RAD51C: variants seen among roughly 807,000 people sequenced by gnomAD.
RAD51C encodes DNA repair protein RAD51 homolog 3.
In RAD51C, 42 loss-of-function variants were observed where a neutral mutation model predicts 45.0. That is an observed-to-expected ratio of 0.93 (90% CI 0.73 to 1.21). RAD51C has a LOEUF of 1.21. Among genes scored for constraint, RAD51C ranks in the 50% most tolerant of loss-of-function variants. The pLI is 0.00. For missense variants in RAD51C, 474 were observed against 452.2 expected (o/e 1.05, Z -0.44); for synonymous variants, 172 against 159.8 (o/e 1.08, Z -0.58).
At chr17:58,700,654 A>T (rs1364841931) in intron 3 of RAD51C, among the ~76,000 whole-genome samples, 1 of 151,752 alleles carries the variant, frequency 6.6e-6, no homozygotes, top group Non-Finnish European at 1.5e-5. Flanking sequence ...GTTAGCCAGG[A>T]TGGTCTCGAT....
chr17:58,709,824 C>T (rs752520189), intron 4 of RAD51C, 35 bp from the exon 5 acceptor site: 18 of 1,563,942 alleles, frequency 1.2e-5, no homozygotes, highest in African/African-American at 2.7e-5. Context: ...TTTTATTTTT[C>T]GTAACAAATC....
chr17:58,734,023 A>G, intron 8 of RAD51C, 95 bp from the exon 9 acceptor site: 1 of 1,525,388 alleles, frequency 6.6e-7, no homozygotes, highest in Non-Finnish European at 8.8e-7. Context: ...GCCCTAGAAT[A>G]AAGTAGCTTT....
Position 58,692,634 on chromosome 17 carries a change from T to G in RAD51C, c.-10T>G, listed in dbSNP as rs1598448335. 1 of 1,613,906 alleles carries G rather than the reference T, an allele frequency of 6.2e-7. No individual in the cohort carries two copies. Among genetic ancestry groups the G allele is most frequent in the Non-Finnish European group, 8.5e-7 (1 of 1,180,016 alleles). On this transcript the variant is annotated 5_prime_UTR_variant, in exon 1 of 9. Transcript: ENST00000337432. ...GTTTGGCTGCTCCGGGGTTAGCAGG[T>G]GAGCCTGCGATGCGCGGGAAGACGT...
Position 58,720,448 on chromosome 17 carries a change from A to G in RAD51C, c.838-298A>G, listed in dbSNP as rs74340714. 4.7e-4 allele frequency among the ~76,000 whole-genome samples: 72 copies of G among 151,896 alleles called. No individual in the cohort carries two copies. In the East Asian group the frequency reaches 0.011, roughly 24 times the overall value. ...AAAATAAAATAAAAAATAAAATCAC[A>G]AGACTGTTTACTTGATTATTTATTT... On this transcript the variant is annotated intron_variant, in intron 5 of 8. Transcript: ENST00000337432.
intron 7 of RAD51C, among the ~76,000 whole-genome samples, chr17:58,725,830 T>A (rs1461003833): frequency 6.6e-6 from 1 of 151,856 alleles, no homozygotes; most frequent in East Asian, 1.9e-4. Context: ...CCATCTCTAC[T>A]AAAAATAAAA....
At chr17:58,720,907 A>T (rs2048898223) in intron 6 of RAD51C, 95 bp downstream of exon 6, 1 of 1,023,362 alleles carries the variant, frequency 9.8e-7, no homozygotes, top group Non-Finnish European at 1.5e-6. Context: ...TCATGAAAGC[A>T]GACTGTATTT....
At chr17:58,710,416 T>G (rs539751380) in intron 5 of RAD51C, among the ~76,000 whole-genome samples, 1 of 149,838 alleles carries the variant, frequency 6.7e-6, no homozygotes, top group Admixed American at 6.7e-5. Context: ...GAGAATCACT[T>G]GAACCCAGGA....
intron 5 of RAD51C, among the ~76,000 whole-genome samples, chr17:58,716,105 G>GAA (rs201019624): frequency 3.8e-5 from 4 of 105,790 alleles, no homozygotes; most frequent in South Asian, 2.7e-4. Context: ...ACTCTGTCTC[G>GAA]AAAAAAAAAA....
Position 58,695,118 on chromosome 17 carries a change from T to C in RAD51C, c.333T>C (p.Leu111=), listed in dbSNP as rs1598456183. 5 of 1,614,120 alleles carry C rather than the reference T, an allele frequency of 3.1e-6. No individual in the cohort carries two copies. Among genetic ancestry groups the C allele is most frequent in the Non-Finnish European group, 4.2e-6 (5 of 1,180,014 alleles). ...TCTGTTCAGCACTAGATGATATTCT[T>C]GGGGGTGGAGTGCCCTTAATGAAAA... The part of the protein sequence containing the change: ...ITFCSALDDI[L]GGGVPLMKTT... The change falls in exon 2 of 9, where the codon CTT becomes CTC. Residue 111 remains leucine (L), a synonymous_variant. Coordinates refer to ENST00000337432, the MANE Select transcript of RAD51C (RefSeq NM_058216.3).
chr17:58,729,954 G>A (rs1235847470), intron 7 of RAD51C, among the ~76,000 whole-genome samples: 1 of 151,936 alleles, frequency 6.6e-6, no homozygotes, highest in Non-Finnish European at 1.5e-5. Context: ...GATGTACTAG[G>A]CACCTTTTTT....
intron 4 of RAD51C, 54 bp downstream of exon 4, chr17:58,703,383 A>G (rs1249465311): frequency 8.3e-6 from 13 of 1,563,438 alleles, no homozygotes; most frequent in African/African-American, 2.7e-5. Flanking sequence ...GAGGTGTTTG[A>G]TAAGCATGAA....
chr17:58,709,978 T>G lies in RAD51C; in HGVS notation c.825T>G (p.Asn275Lys). 1 of 1,612,946 alleles carries G rather than the reference T, an allele frequency of 6.2e-7. No homozygotes were observed. Among genetic ancestry groups the G allele is most frequent in the African/African-American group, 1.3e-5 (1 of 75,034 alleles). Residue 275 changes from asparagine (N) to lysine (K), a missense_variant, in exon 5 of 9, where the codon AAT (asparagine) becomes AAG (lysine). Physicochemically the swap from Asn to Lys is moderately conservative, Grantham distance 94 (BLOSUM62 0). Coordinates refer to ENST00000337432, the MANE Select transcript of RAD51C (RefSeq NM_058216.3). ...AGCAAATGATCAGCCTTGCAAATAA[T>G]CACAGATTAGCTGTAAGTATTAACT... ...LAQQMISLAN[N>K]HRLAVILTNQ... is the part of the protein sequence containing the mutation.
chr17:58,723,421 A>G (rs2048991118), intron 6 of RAD51C, among the ~76,000 whole-genome samples: 1 of 152,116 alleles, frequency 6.6e-6, no homozygotes, highest in Non-Finnish European at 1.5e-5. Context: ...CAGACTGACA[A>G]ATGGAACATT....
chr17:58,720,416 A>C (rs1296822052), intron 5 of RAD51C, among the ~76,000 whole-genome samples: 1 of 132,446 alleles, frequency 7.6e-6, no homozygotes, highest in African/African-American at 2.6e-5. Context: ...ACTCTGTCTC[A>C]AAAAAAAAAA....
chr17:58,704,515 C>A (rs974779384), intron 4 of RAD51C, among the ~76,000 whole-genome samples: 1 of 151,786 alleles, frequency 6.6e-6, no homozygotes, highest in African/African-American at 2.4e-5. Flanking sequence ...GCTGGCCTGC[C>A]ATTAGTAAGA....
chr17:58,731,431 G>A (rs1023545046), intron 7 of RAD51C, among the ~76,000 whole-genome samples: 1 of 151,960 alleles, frequency 6.6e-6, no homozygotes, highest in Non-Finnish European at 1.5e-5. Flanking sequence ...GGCTAATTTT[G>A]TATTTTTAGT....
At chr17:58,703,933 C>CTTTTTTTTTTTT (rs67254535) in intron 4 of RAD51C, among the ~76,000 whole-genome samples, 6 of 66,480 alleles carry the variant, frequency 9.0e-5, no homozygotes, top group Admixed American at 3.9e-4. Context: ...CATGTATCAC[C>CTTTTTTTTTTTT]TTTTTTTTTT....
chr17:58,720,846 TCA>T (rs1567808445), intron 6 of RAD51C, 34 bp downstream of exon 6: 9 of 1,538,720 alleles, frequency 5.8e-6, no homozygotes, highest in Non-Finnish European at 8.1e-6. Context: ...TTTTAGTTTA[TCA>T]CAGTTTTTCT....
At chr17:58,731,643 C>G (rs1178687381) in intron 7 of RAD51C, among the ~76,000 whole-genome samples, 1 of 152,168 alleles carries the variant, frequency 6.6e-6, no homozygotes, top group Non-Finnish European at 1.5e-5. Context: ...AAATTTATTT[C>G]TCAGCTACTT....
Sources: allele counts gnomAD v4.1 joint callset (sites outside exome capture counted in the v4.1 genomes callset), GRCh38; gene constraint gnomAD v4.1.1; transcripts MANE v1.5; gene names NCBI Gene and HGNC (gene_info 2026-07-23, HGNC 2026-07-21).